NEGR1: variants seen among roughly 807,000 people sequenced by gnomAD.
NEGR1 encodes the protein IgLON family member 4.
In NEGR1, 10 loss-of-function variants were observed where a neutral mutation model predicts 40.9. The ratio of observed to expected loss-of-function variants is 0.24; its 90% CI spans 0.15 to 0.42. NEGR1 has a LOEUF of 0.42. Ranked by LOEUF, NEGR1 falls within the 10% of genes least tolerant of loss-of-function variation. The pLI, the probability that NEGR1 is intolerant of heterozygous loss-of-function variation, is 1.00. For missense variants in NEGR1, 352 were observed against 438.9 expected, an observed-to-expected ratio of 0.80 and a Z score of 1.77; for synonymous variants, 185 against 166.8, an observed-to-expected ratio of 1.11 and a Z score of -0.84.
chr1:72,236,948 G>A (rs1188893254), intron 1 of NEGR1, among the ~76,000 whole-genome samples: 1 of 151,844 alleles, frequency 6.6e-6, no homozygotes, highest in Non-Finnish European at 1.5e-5. Flanking sequence ...AGGATAGTTA[G>A]AAAACATTTT....
chr1:72,089,780 G>C (rs1196343045), intron 1 of NEGR1, among the ~76,000 whole-genome samples: 1 of 151,972 alleles, frequency 6.6e-6, no homozygotes, highest in African/African-American at 2.4e-5. Context: ...TTGCCTTGCA[G>C]ACAAAAGATT....
intron 1 of NEGR1, among the ~76,000 whole-genome samples, chr1:71,971,797 C>A (rs1319341506): frequency 1.3e-5 from 2 of 152,132 alleles, no homozygotes; most frequent in East Asian, 3.9e-4. Flanking sequence ...AAGAAAAATT[C>A]ATAGTCTGCT....
intron 1 of NEGR1, among the ~76,000 whole-genome samples, chr1:71,965,668 G>A (rs1002643880): frequency 6.6e-6 from 1 of 152,112 alleles, no homozygotes; most frequent in Non-Finnish European, 1.5e-5. Flanking sequence ...TTGTAGGTTA[G>A]AATGTAATTG....
intron 1 of NEGR1, among the ~76,000 whole-genome samples, chr1:72,179,662 T>A (rs1168962286): frequency 6.6e-6 from 1 of 152,046 alleles, no homozygotes; most frequent in African/African-American, 2.4e-5. Flanking sequence ...ACTAGGCATT[T>A]TATTCTAATT....
intron 3 of NEGR1, among the ~76,000 whole-genome samples, chr1:71,715,535 G>T (rs1404795734): frequency 6.6e-6 from 1 of 152,052 alleles, no homozygotes; most frequent in Non-Finnish European, 1.5e-5. Context: ...CTTTGTGAAT[G>T]CATAAAACTG....
chr1:72,058,854 T>A (rs945562636), intron 1 of NEGR1, among the ~76,000 whole-genome samples: 1 of 151,726 alleles, frequency 6.6e-6, no homozygotes, highest in Non-Finnish European at 1.5e-5. Flanking sequence ...ATTCCTTTCA[T>A]GCACTTTTGT....
intron 6 of NEGR1, among the ~76,000 whole-genome samples, chr1:71,571,622 T>C (rs1323558923): frequency 6.6e-6 from 1 of 151,934 alleles, no homozygotes; most frequent in Non-Finnish European, 1.5e-5. Context: ...AAACCACGTC[T>C]CTACCAAAAA....
intron 4 of NEGR1, 98 bp downstream of exon 4, chr1:71,697,909 AC>A (rs778060963): frequency 3.3e-4 from 389 of 1,182,186 alleles, no homozygotes; most frequent in Middle Eastern, 8.2e-4. Context: ...TTACCAATAG[AC>A]AACCTCTTAA....
intron 1 of NEGR1, among the ~76,000 whole-genome samples, chr1:72,253,539 G>C (rs1271314428): frequency 6.6e-6 from 1 of 152,022 alleles, no homozygotes; most frequent in Non-Finnish European, 1.5e-5. Context: ...TTCAACTGCA[G>C]AAAAAGAGAG....
chr1:72,169,802 G>C (rs1235793717), intron 1 of NEGR1, among the ~76,000 whole-genome samples: 1 of 152,072 alleles, frequency 6.6e-6, no homozygotes, highest in African/African-American at 2.4e-5. Flanking sequence ...CAAATTTAGT[G>C]AACTTTAATA....
intron 6 of NEGR1, among the ~76,000 whole-genome samples, chr1:71,462,728 ACAAT>A (rs1646721985): frequency 6.6e-6 from 1 of 152,188 alleles, no homozygotes; most frequent in South Asian, 2.1e-4. Context: ...CTTCTTAAAA[ACAAT>A]CAGTCAATCA....
chr1:72,114,564 A>G (rs1266113276), intron 1 of NEGR1, among the ~76,000 whole-genome samples: 1 of 151,826 alleles, frequency 6.6e-6, no homozygotes, highest in Non-Finnish European at 1.5e-5. Context: ...AGATAAAGAT[A>G]TTTGTTTCTG....
chr1:71,672,016 G>A (rs1421327354), intron 4 of NEGR1, among the ~76,000 whole-genome samples: 1 of 151,150 alleles, frequency 6.6e-6, no homozygotes, highest in Non-Finnish European at 1.5e-5. Context: ...TTACAGGTGT[G>A]AGCCTTCACA....
intron 1 of NEGR1, among the ~76,000 whole-genome samples, chr1:72,039,518 C>T (rs1646933355): frequency 6.6e-6 from 1 of 151,772 alleles, no homozygotes; most frequent in African/African-American, 2.4e-5. Flanking sequence ...CCAGCATTAC[C>T]CATTTTGCAT....
chr1:72,282,482 G>GCAT lies in NEGR1; in HGVS notation c.10_12dup (p.Met4dup), dbSNP rs1240350491. Reference sequence around the variant, plus strand: ...GAGCAACAAGCACCCTGCACCAACAGCATCATGTCCATCCCTGCTAGGGCT... The same window carrying GCAT: ...GAGCAACAAGCACCCTGCACCAACAGCATCATCATGTCCATCCCTGCTAGGGCT... On this transcript the variant is annotated inframe_insertion, in exon 1 of 7. Transcript: ENST00000357731. 1.7e-5 allele frequency: 27 copies of GCAT among 1,611,102 alleles called. No homozygotes were observed. Among genetic ancestry groups the GCAT allele is most frequent in the Non-Finnish European group, 2.3e-5 (27 of 1,179,376 alleles).
At chr1:71,825,209 T>C (rs1007977694) in intron 2 of NEGR1, among the ~76,000 whole-genome samples, 3 of 151,978 alleles carry the variant, frequency 2.0e-5, no homozygotes, top group Admixed American at 6.6e-5. Flanking sequence ...TATTTCATTG[T>C]GGTTTCAATT....
intron 6 of NEGR1, among the ~76,000 whole-genome samples, chr1:71,450,013 C>T (rs552102923): frequency 2.0e-4 from 28 of 142,962 alleles, no homozygotes; most frequent in African/African-American, 5.7e-4. Flanking sequence ...TTTTTTGAGA[C>T]GGAGTCTTGC....
chr1:71,967,518 T>C (rs759402258), intron 1 of NEGR1, among the ~76,000 whole-genome samples: 69 of 152,180 alleles, frequency 4.5e-4, no homozygotes, highest in Non-Finnish European at 9.6e-4. Context: ...TATGAACACA[T>C]TGAGTAACTA....
intron 1 of NEGR1, among the ~76,000 whole-genome samples, chr1:71,988,507 CCG>C (rs1193211704): frequency 3.3e-4 from 45 of 136,942 alleles, no homozygotes; most frequent in Non-Finnish European, 6.1e-4. Flanking sequence ...CCACTGCAGT[CCG>C]CAGTCCGTCC....
Sources: allele counts gnomAD v4.1 joint callset (sites outside exome capture counted in the v4.1 genomes callset), GRCh38; gene constraint gnomAD v4.1.1; transcripts MANE v1.5; gene names NCBI Gene and HGNC (gene_info 2026-07-23, HGNC 2026-07-21).